PLXDC2: variants seen among roughly 807,000 people sequenced by gnomAD.
The protein encoded by PLXDC2 is plexin domain containing 2.
In PLXDC2, 40 loss-of-function variants were observed where a neutral mutation model predicts 68.9. That is an observed-to-expected ratio of 0.58 (90% CI 0.45 to 0.76). PLXDC2 has a LOEUF of 0.76. PLXDC2 is among the 30% of genes least tolerant of loss of function. The pLI is 0.00. For missense variants in PLXDC2, 644 were observed against 661.9 expected (o/e 0.97, Z 0.30); for synonymous variants, 243 against 234.2 (o/e 1.04, Z -0.34).
intron 4 of PLXDC2, among the ~76,000 whole-genome samples, chr10:20,076,804 C>G (rs769769861): frequency 1.3e-5 from 2 of 152,140 alleles, no homozygotes; most frequent in Non-Finnish European, 2.9e-5. Context: ...GGGATGTCCG[C>G]TTGATCACCA....
chr10:20,056,047 A>T (rs1351139470), intron 3 of PLXDC2, among the ~76,000 whole-genome samples: 1 of 152,198 alleles, frequency 6.6e-6, no homozygotes, highest in Non-Finnish European at 1.5e-5. Flanking sequence ...CAAGTTTATT[A>T]CAACTATGAG....
chr10:19,843,345 T>C (rs1482238824), intron 1 of PLXDC2, among the ~76,000 whole-genome samples: 1 of 152,198 alleles, frequency 6.6e-6, no homozygotes, highest in Non-Finnish European at 1.5e-5. Flanking sequence ...TATCGATTTA[T>C]TCTCATGTTC....
chr10:20,259,756 T>A (rs1835786362), intron 13 of PLXDC2, among the ~76,000 whole-genome samples: 1 of 152,206 alleles, frequency 6.6e-6, no homozygotes. Context: ...CCCACTCCAG[T>A]TGCAGGTGAG....
chr10:19,826,100 C>T (rs1397310891), intron 1 of PLXDC2, among the ~76,000 whole-genome samples: 2 of 152,190 alleles, frequency 1.3e-5, no homozygotes, highest in Non-Finnish European at 2.9e-5. Flanking sequence ...CAAACTGAGT[C>T]ATGTTCTTAG....
chr10:19,842,458 A>G (rs903852769), intron 1 of PLXDC2, among the ~76,000 whole-genome samples: 1 of 152,134 alleles, frequency 6.6e-6, no homozygotes, highest in Non-Finnish European at 1.5e-5. Context: ...CTGTCCTTTC[A>G]TAAGAAGTGT....
At chr10:20,054,784 C>T (rs545699983) in intron 3 of PLXDC2, among the ~76,000 whole-genome samples, 69 of 152,024 alleles carry the variant, frequency 4.5e-4, no homozygotes, top group Non-Finnish European at 3.2e-4. Flanking sequence ...AGCACACCAA[C>T]ATGGCACATG....
chr10:19,866,382 G>A (rs2131339062), intron 1 of PLXDC2, among the ~76,000 whole-genome samples: 1 of 152,166 alleles, frequency 6.6e-6, no homozygotes, highest in East Asian at 1.9e-4. Flanking sequence ...CTTATTCTAA[G>A]CCGGCAAAGT....
chr10:19,833,703 A>G (rs1295131232), intron 1 of PLXDC2, among the ~76,000 whole-genome samples: 1 of 152,204 alleles, frequency 6.6e-6, no homozygotes, highest in East Asian at 1.9e-4. Flanking sequence ...AGGAGATTAC[A>G]CAATTCCCTT....
chr10:20,096,399 G>T (rs1833350417), intron 4 of PLXDC2, among the ~76,000 whole-genome samples: 4 of 152,018 alleles, frequency 2.6e-5, no homozygotes, highest in African/African-American at 9.7e-5. Flanking sequence ...GCCTAAAAAT[G>T]GGATGAACAG....
In PLXDC2 at chr10:20,209,030, TCACAGGAC is replaced by T. The variant is rs562600860; in HGVS notation, c.1062-2622_1062-2615del. 1.2e-4 allele frequency among the ~76,000 whole-genome samples: 19 copies of T among 152,076 alleles called. No homozygotes were observed. The South Asian group carries it at 2.3e-3, about 18-fold the overall frequency. Reference sequence around the variant, plus strand: ...CAAGGCAAATGGAGGCAGGGTGAGATCACAGGACCACAGGACCACAGGACGGGGGCGAA... The same window carrying T: ...CAAGGCAAATGGAGGCAGGGTGAGATCACAGGACCACAGGACGGGGGCGAA... On this transcript the variant is annotated intron_variant, in intron 9 of 13. Transcript: ENST00000377252.
chr10:19,858,751 A>G (rs10764170), intron 1 of PLXDC2, among the ~76,000 whole-genome samples: 1 of 151,916 alleles, frequency 6.6e-6, no homozygotes, highest in Non-Finnish European at 1.5e-5. Context: ...GGGAGGTAAA[A>G]GGTTTCATAA....
intron 9 of PLXDC2, among the ~76,000 whole-genome samples, chr10:20,199,263 G>A (rs1015479902): frequency 6.6e-6 from 1 of 151,776 alleles, no homozygotes; most frequent in African/African-American, 2.4e-5. Flanking sequence ...CTGAGACAGA[G>A]GTTACTTACT....
chr10:20,241,816 T>G lies in PLXDC2; in HGVS notation c.1313-3529T>G, dbSNP rs1835519661. 1.3e-5 allele frequency among the ~76,000 whole-genome samples: 2 copies of G among 151,956 alleles called. 1 individual carries two copies. The highest frequency in any genetic ancestry group is 4.8e-5 in the African/African-American group (2 of 41,376). On this transcript the variant is annotated intron_variant, in intron 12 of 13. Transcript: ENST00000377252. ...AAAAGAAGAAGAAGTGAGGCGGAAA[T>G]TTGTGAGGCTAAAACTTGGCATGCT...
At chr10:20,242,859 G>A (rs149240531) in intron 12 of PLXDC2, among the ~76,000 whole-genome samples, 36 of 152,156 alleles carry the variant, frequency 2.4e-4, no homozygotes, top group East Asian at 1.6e-3. Context: ...ATAGGCGCCC[G>A]CCACCAAGCC....
At chr10:20,202,426 C>T (rs543507195) in intron 9 of PLXDC2, among the ~76,000 whole-genome samples, 2 of 152,134 alleles carry the variant, frequency 1.3e-5, no homozygotes, top group African/African-American at 2.4e-5. Context: ...GTGAGGAATT[C>T]GGGTTTCACT....
chr10:20,240,681 T>G (rs1588537640), intron 12 of PLXDC2, among the ~76,000 whole-genome samples: 1 of 137,710 alleles, frequency 7.3e-6, no homozygotes, highest in Admixed American at 8.1e-5. Flanking sequence ...GCTTGTACTG[T>G]GTAGGAAATT....
chr10:20,246,229 G>A (rs1835593455), intron 13 of PLXDC2, among the ~76,000 whole-genome samples: 1 of 152,196 alleles, frequency 6.6e-6, no homozygotes, highest in Non-Finnish European at 1.5e-5. Context: ...TAAGCCCTGG[G>A]GTCTAAAAGG....
At chr10:19,957,481 G>C (rs564371603) in intron 1 of PLXDC2, among the ~76,000 whole-genome samples, 1 of 152,088 alleles carries the variant, frequency 6.6e-6, no homozygotes, top group East Asian at 1.9e-4. Flanking sequence ...ACAAAAATTA[G>C]GTCAATTTTG....
At chr10:20,230,707 A>AAAAAAAAAAAAAAAAAAAAAAAAG (rs1564361132) in intron 12 of PLXDC2, among the ~76,000 whole-genome samples, 1 of 149,408 alleles carries the variant, frequency 6.7e-6, no homozygotes, top group Non-Finnish European at 1.5e-5. Context: ...AAAAAAAAAA[A>AAAAAAAAAAAAAAAAAAAAAAAAG]AAAAAAACAG....
Sources: allele counts gnomAD v4.1 joint callset (sites outside exome capture counted in the v4.1 genomes callset), GRCh38; gene constraint gnomAD v4.1.1; transcripts MANE v1.5; gene names NCBI Gene and HGNC (gene_info 2026-07-23, HGNC 2026-07-21).